Variants in C17orf99 observed in about 807,000 individuals in gnomAD.
C17orf99 encodes the protein protein IL-40.
Under a neutral mutation model 22.6 loss-of-function variants are expected in C17orf99, and 18 were observed. That is an observed-to-expected ratio of 0.80 (90% CI 0.55 to 1.18). The LOEUF (loss-of-function observed/expected upper bound fraction) is 1.18. Among genes scored for constraint, C17orf99 ranks in the 50% most tolerant of loss-of-function variants. The pLI is 0.00. For missense variants in C17orf99, 328 were observed against 342.7 expected, an observed-to-expected ratio of 0.96 and a Z score of 0.34; for synonymous variants, 147 against 136.6, an observed-to-expected ratio of 1.08 and a Z score of -0.53.
chr17:78,150,267 A>G (rs1215462263), intron 2 of C17orf99, among the ~76,000 whole-genome samples: 1 of 152,100 alleles, frequency 6.6e-6, no homozygotes, highest in Non-Finnish European at 1.5e-5. Context: ...TCAGCCTCCC[A>G]AAGTGCTGGG....
chr17:78,156,792 T>C lies in C17orf99; in HGVS notation c.71-4163T>C, dbSNP rs187486241. On this transcript the variant is annotated intron_variant, in intron 2 of 4. Transcript: ENST00000340363. The stretch of plus-strand genomic sequence containing the variant: ...ACCACACCTGGCTAATTTTGTTTAT[T>C]TATTTATTTTTAGAGTAGTTCTCAC... 1.6e-4 allele frequency among the ~76,000 whole-genome samples: 25 copies of C among 151,986 alleles called. No individual in the cohort carries two copies. In the East Asian group the frequency reaches 4.5e-3, roughly 27 times the overall value.
At chr17:78,147,427 G>A (rs1378743788) in intron 2 of C17orf99, among the ~76,000 whole-genome samples, 1 of 152,198 alleles carries the variant, frequency 6.6e-6, no homozygotes, top group Non-Finnish European at 1.5e-5. Flanking sequence ...TATAGAGGCA[G>A]GTGGGGAGTG....
intron 2 of C17orf99, among the ~76,000 whole-genome samples, chr17:78,154,542 C>T (rs1010760197): frequency 2.0e-5 from 3 of 151,596 alleles, no homozygotes; most frequent in Non-Finnish European, 4.4e-5. Flanking sequence ...GGTAAGACTT[C>T]GTCTCAAAAA....
intron 2 of C17orf99, among the ~76,000 whole-genome samples, chr17:78,152,542 C>G (rs2075492526): frequency 6.6e-6 from 1 of 151,904 alleles, no homozygotes. Context: ...GCCATGTTGG[C>G]CCGGCTGGTC....
At chr17:78,165,252 A>G in intron 4 of C17orf99, 1 of 988,022 alleles carries the variant, frequency 1.0e-6, no homozygotes, top group Non-Finnish European at 1.2e-6. Context: ...TTTGGGAGAC[A>G]CTGCCGTGTC....
intron 2 of C17orf99, among the ~76,000 whole-genome samples, chr17:78,153,966 C>T (rs1286974169): frequency 7.1e-6 from 1 of 140,520 alleles, no homozygotes; most frequent in Non-Finnish European, 1.5e-5. Context: ...CACTCTGTCA[C>T]CCAGGCTGGA....
At position 78,165,950 on chromosome 17, in the gene C17orf99, G is replaced by A. The variant is rs553113603; in HGVS notation, c.702G>A (p.Pro234=). The change falls in exon 5 of 5, where the codon CCG becomes CCA. Residue 234 remains proline (P), a synonymous_variant. Transcript: ENST00000340363. ...TGGAGAGCCCCATCCTTGCCTTGCC[G>A]CTCTACAGGAGCACCCGCCGTCTGA... is the stretch of plus-strand genomic sequence containing the variant. The part of the protein sequence containing the change: ...GPLESPILAL[P]LYRSTRRLSE... 1.3e-5 allele frequency: 20 copies of A among 1,487,078 alleles called. No homozygotes were observed. Among genetic ancestry groups the A allele is most frequent in the Middle Eastern group, 1.9e-4 (1 of 5,346 alleles). 92.1% of individuals were successfully genotyped at this position (1,487,078 alleles called of 1,614,324 possible). A position where few individuals can be genotyped will look rare whatever the true frequency, so the allele number is the denominator to read the frequency against.
intron 2 of C17orf99, among the ~76,000 whole-genome samples, chr17:78,150,439 AGT>A (rs943902485): frequency 6.6e-6 from 1 of 151,964 alleles, no homozygotes; most frequent in Non-Finnish European, 1.5e-5. Context: ...CCACTGTGCC[AGT>A]GTGTTTTGAA....
intron 2 of C17orf99, among the ~76,000 whole-genome samples, chr17:78,149,560 G>T (rs539376324): frequency 1.1e-4 from 16 of 152,128 alleles, no homozygotes; most frequent in East Asian, 3.9e-4. Context: ...TAGACACAGG[G>T]TCTCGTTCTG....
At chr17:78,150,171 G>A (rs2075470376) in intron 2 of C17orf99, among the ~76,000 whole-genome samples, 1 of 151,904 alleles carries the variant, frequency 6.6e-6, no homozygotes, top group Non-Finnish European at 1.5e-5. Flanking sequence ...ACCATGCCCA[G>A]CTAATTTTTG....
In C17orf99 at chr17:78,166,023, G is replaced by T; in HGVS notation, c.775G>T (p.Gly259Ter). The T allele has an allele frequency of 7.0e-7, 1 of 1,421,620 alleles. No individual in the cohort carries two copies. Among genetic ancestry groups the T allele is most frequent in the Non-Finnish European group, 9.4e-7 (1 of 1,067,208 alleles). 88.1% of individuals were successfully genotyped at this position (1,421,620 alleles called of 1,614,324 possible). Residue 259 changes from glycine to a stop codon, truncating the protein, a stop_gained, in exon 5 of 5, where the codon GGA becomes TGA. Transcript: ENST00000340363. LOFTEE classifies it high-confidence loss of function. ...GFRIGNGEVRGRKAAAM is the reference protein window; with the variant it reads ...GFRIGNGEVR ...CAGGATAGGGAATGGGGAGGTCAGA[G>T]GACGCAAAGCAGCAGCCATGTAGAA...
chr17:78,163,002 C>T (rs1225213844), intron 3 of C17orf99, among the ~76,000 whole-genome samples: 3 of 152,212 alleles, frequency 2.0e-5, no homozygotes, highest in East Asian at 1.9e-4. Context: ...CCAGGCTGGT[C>T]TCAAACTCCT....
intron 2 of C17orf99, among the ~76,000 whole-genome samples, chr17:78,149,069 C>T (rs1207507479): frequency 2.6e-5 from 4 of 152,092 alleles, no homozygotes; most frequent in Non-Finnish European, 5.9e-5. Flanking sequence ...CAGCTGCTCA[C>T]GCCTGGAATC....
chr17:78,157,965 T>C (rs2075541735), intron 2 of C17orf99: 2 of 1,215,002 alleles, frequency 1.6e-6, no homozygotes, highest in African/African-American at 1.5e-5. Flanking sequence ...GATATCTGCC[T>C]GTCAACTCAT....
rs773956446 is a variant in C17orf99, at chr17:78,161,143, G to A, written c.259G>A (p.Val87Ile). Residue 87 changes from valine (V) to isoleucine (I), a missense_variant, in exon 3 of 5, where the codon GTC (valine) becomes ATC (isoleucine). Val to Ile is a conservative substitution (Grantham distance 29). Transcript: ENST00000340363. The stretch of plus-strand genomic sequence containing the variant: ...CGAGCCGGCCTCCTTCAACCTCAAC[G>A]TCACACTCAAGTCCAGTCCAGACCT... ...THEPASFNLN[V>I]TLKSSPDLLT... is the part of the protein sequence containing the mutation. The A allele has an allele frequency of 3.5e-5, 54 of 1,551,682 alleles. No homozygotes were observed. The highest frequency in any genetic ancestry group is 4.3e-5 in the Non-Finnish European group (49 of 1,147,010).
At chr17:78,165,789 CA>C in intron 4 of C17orf99, 99 bp from the exon 5 acceptor site, 1 of 1,262,594 alleles carries the variant, frequency 7.9e-7, no homozygotes. Flanking sequence ...ACAAAAAGAG[CA>C]AAACTCCGTC....
chr17:78,148,998 G>A (rs1277538945), intron 2 of C17orf99, among the ~76,000 whole-genome samples: 1 of 152,030 alleles, frequency 6.6e-6, no homozygotes, highest in Non-Finnish European at 1.5e-5. Flanking sequence ...GCAGCTGCTG[G>A]CAGATGGCAT....
chr17:78,157,160 T>A (rs1295516339), intron 2 of C17orf99, among the ~76,000 whole-genome samples: 3 of 150,864 alleles, frequency 2.0e-5, no homozygotes, highest in Non-Finnish European at 4.4e-5. Context: ...TGAAACTCCG[T>A]CTCTACTAAA....
chr17:78,161,855 A>G (rs906112580), intron 3 of C17orf99, among the ~76,000 whole-genome samples: 7 of 151,830 alleles, frequency 4.6e-5, no homozygotes, highest in Non-Finnish European at 1.0e-4. Flanking sequence ...AAAAAAGAAA[A>G]AGAAACGAAA....
Sources: gnomAD v4.1 joint callset for allele counts (sites outside exome capture counted in the v4.1 genomes callset) on GRCh38, gnomAD v4.1.1 for gene constraint, MANE v1.5 for transcripts, NCBI Gene and HGNC (gene_info 2026-07-23, HGNC 2026-07-21) for gene names.